PCAT7: variants seen among roughly 807,000 people sequenced by gnomAD.
The protein encoded by PCAT7 is prostate cancer associated transcript 7 (non-protein coding).
chr9:94,558,919 G>A, intron 1 of PCAT7: 1 of 1,611,780 alleles, frequency 6.2e-7, no homozygotes, highest in Non-Finnish European at 8.5e-7. Flanking sequence ...ACAGAAGAGG[G>A]CATGTGGGGT....
chr9:94,563,993 T>A (rs998307367), intron 2 of PCAT7, among the ~76,000 whole-genome samples: 1 of 152,074 alleles, frequency 6.6e-6, no homozygotes, highest in African/African-American at 2.4e-5. Context: ...ATAAAGCAAG[T>A]CCTTAGAGAC....
intron 2 of PCAT7, among the ~76,000 whole-genome samples, chr9:94,559,389 T>C (rs1827059942): frequency 6.6e-6 from 1 of 152,202 alleles, no homozygotes; most frequent in African/African-American, 2.4e-5. Flanking sequence ...TTGTGATCCT[T>C]GTGCTTATGA....
chr9:94,559,113 C>T, exon 2 of PCAT7: 3 of 1,612,508 alleles, frequency 1.9e-6, no homozygotes, highest in Non-Finnish European at 2.5e-6. Flanking sequence ...CACGGGATTG[C>T]ATTCATACAG....
chr9:94,568,902 A>G (rs952911590), intron 2 of PCAT7: 1 of 152,262 alleles, frequency 6.6e-6, no homozygotes, highest in Non-Finnish European at 1.5e-5. Context: ...TCCTCTTTAG[A>G]ATTACCAAGC....
chr9:94,554,919 T>A (rs1335686436), upstream of PCAT7: 2 of 152,356 alleles, frequency 1.3e-5, no homozygotes, highest in African/African-American at 4.8e-5. Flanking sequence ...ATGCTTTATA[T>A]ACTGAGGTTA....
intron 2 of PCAT7, among the ~76,000 whole-genome samples, chr9:94,566,686 G>T (rs1211070698): frequency 6.6e-6 from 1 of 152,096 alleles, no homozygotes; most frequent in Admixed American, 6.5e-5. Flanking sequence ...GCTGGTCTTG[G>T]CAGGGCACCC....
At chr9:94,562,080 G>A (rs1827114257) in intron 2 of PCAT7, among the ~76,000 whole-genome samples, 1 of 152,148 alleles carries the variant, frequency 6.6e-6, no homozygotes, top group African/African-American at 2.4e-5. Flanking sequence ...GGGAGGCCAA[G>A]GCGGGCGGAT....
Position 94,573,093 on chromosome 9 carries a change from A to G in PCAT7, n.512+44A>G, listed in dbSNP as rs1031172580. ...TCCTTGCCTTATTGTGCTGGCTACA[A>G]CTTTCAGGATTACATATGTTGGGTA... is the stretch of plus-strand genomic sequence containing the variant. On this transcript the variant is annotated intron_variant and non_coding_transcript_variant, in intron 3 of 8. Coordinates refer to ENST00000647389, the Ensembl canonical transcript of PCAT7. 4.6e-5 allele frequency: 7 copies of G among 152,138 alleles called. No individual in the cohort carries two copies. In the East Asian group the frequency reaches 1.3e-3, roughly 29 times the overall value. 9.4% of individuals were successfully genotyped at this position (152,138 alleles called of 1,614,324 possible).
At chr9:94,556,316 C>T (rs990696491) in intron 1 of PCAT7, among the ~76,000 whole-genome samples, 4 of 151,198 alleles carry the variant, frequency 2.6e-5, no homozygotes, top group African/African-American at 7.3e-5. Flanking sequence ...AAAAAAAATA[C>T]GGTGGGAGAA....
intron 2 of PCAT7, among the ~76,000 whole-genome samples, chr9:94,560,355 G>A (rs1314309823): frequency 1.3e-5 from 2 of 152,168 alleles, no homozygotes; most frequent in Non-Finnish European, 2.9e-5. Context: ...AATGAATGGG[G>A]TTGGATTGAA....
chr9:94,560,750 A>G (rs919344526), intron 2 of PCAT7, among the ~76,000 whole-genome samples: 1 of 147,702 alleles, frequency 6.8e-6, no homozygotes, highest in Non-Finnish European at 1.5e-5. Context: ...ATAATATGTT[A>G]TATATTTATA....
At chr9:94,567,129 CAG>C (rs1827200814) in intron 2 of PCAT7, 1 of 722,746 alleles carries the variant, frequency 1.4e-6, no homozygotes, top group Admixed American at 2.4e-5. Context: ...TGAAGAAAGG[CAG>C]AGTCCATCAT....
At position 94,563,612 on chromosome 9, in the gene PCAT7, T is replaced by G. The variant is rs577715856; in HGVS notation, n.441+4460T>G. Reference sequence around the variant, plus strand: ...GTAGGAATTGAAAAGATTATATAATTGTGCATTTCATTTATTATGAGCTCC... The same window carrying G: ...GTAGGAATTGAAAAGATTATATAATGGTGCATTTCATTTATTATGAGCTCC... On this transcript the variant is annotated intron_variant and non_coding_transcript_variant, in intron 2 of 8. Coordinates refer to ENST00000647389, the Ensembl canonical transcript of PCAT7. 123 of 855,202 alleles carry G rather than the reference T, an allele frequency of 1.4e-4. 1 individual carries two copies. The East Asian group carries it at 3.0e-3, about 21-fold the overall frequency. The allele number at this position is 855,202 out of a possible 1,614,324, so 53.0% of individuals were successfully genotyped here.
At chr9:94,568,620 T>A (rs1827227859) in intron 2 of PCAT7, 1 of 152,196 alleles carries the variant, frequency 6.6e-6, no homozygotes, top group Non-Finnish European at 1.5e-5. Context: ...ATTCCCGGAA[T>A]ATAAAGAGGC....
chr9:94,558,755 A>G (rs549990510), intron 1 of PCAT7: 9 of 600,578 alleles, frequency 1.5e-5, no homozygotes, highest in Admixed American at 9.2e-5. Flanking sequence ...AGTCCTTCAC[A>G]TTGACCATAG....
intron 1 of PCAT7, chr9:94,558,935 T>C: frequency 1.2e-6 from 2 of 1,614,018 alleles, no homozygotes; most frequent in Non-Finnish European, 1.7e-6. Context: ...GGGGTCAAAC[T>C]CGCTAGCTGC....
At chr9:94,559,315 G>A (rs57803646) in intron 2 of PCAT7, among the ~76,000 whole-genome samples, 61 of 152,300 alleles carry the variant, frequency 4.0e-4, no homozygotes, top group African/African-American at 1.4e-3. Context: ...TGCATCAGAT[G>A]GCACTCATCC....
At chr9:94,561,352 A>ATTTTTTTTTTTTTTTTTTTTTTTTTTT (rs1174386595) in intron 2 of PCAT7, among the ~76,000 whole-genome samples, 1 of 54,970 alleles carries the variant, frequency 1.8e-5, no homozygotes, top group African/African-American at 7.8e-5. Flanking sequence ...TGTGACCTGT[A>ATTTTTTTTTTTTTTTTTTTTTTTTTTT]TTTTTTTTTT....
chr9:94,567,204 A>G (rs1000204080), intron 2 of PCAT7: 1 of 1,572,612 alleles, frequency 6.4e-7, no homozygotes, highest in Non-Finnish European at 8.7e-7. Flanking sequence ...CCCTGAAGCC[A>G]CCACCCAAAC....
Sources: allele counts gnomAD v4.1 joint callset (sites outside exome capture counted in the v4.1 genomes callset), GRCh38; gene constraint gnomAD v4.1.1; transcripts MANE v1.5; gene names NCBI Gene and HGNC (gene_info 2026-07-23, HGNC 2026-07-21).